Variants in TENM1 observed in about 807,000 individuals in gnomAD.
TENM1 encodes teneurin-1.
TENM1 carries 35 observed loss-of-function variants against 174.8 expected under a neutral mutation model. The ratio of observed to expected loss-of-function variants is 0.20; its 90% confidence interval spans 0.15 to 0.27. TENM1 has a LOEUF of 0.27. TENM1 is among the 10% of genes least tolerant of loss of function. The pLI, the probability that TENM1 is intolerant of heterozygous loss-of-function variation, is 1.00. For synonymous variants in TENM1, 781 were observed against 798.7 expected, an observed-to-expected ratio of 0.98 and a Z score of 0.37; for missense variants, 1,633 against 2,130.1, an observed-to-expected ratio of 0.77 and a Z score of 4.59.
chrX:125,133,582 T>C, the TENM1 span, among the ~76,000 whole-genome samples: 1 of 111,269 alleles, frequency 9.0e-6, no homozygotes, highest in Non-Finnish European at 1.9e-5. Flanking sequence ...CTAAAGTCCT[T>C]GTCTCCTCCC....
intron 11 of TENM1, among the ~76,000 whole-genome samples, chrX:124,639,749 G>A (rs2050965807): frequency 9.0e-6 from 1 of 111,132 alleles, no homozygotes; most frequent in Admixed American, 9.6e-5. Context: ...TTATGTGTTT[G>A]CTACAATAAT....
chrX:124,654,488 A>G (rs757021114), intron 6 of TENM1, among the ~76,000 whole-genome samples: 1 of 112,253 alleles, frequency 8.9e-6, no homozygotes, highest in South Asian at 3.7e-4. Context: ...AAAAGTTACT[A>G]TGGGAAGTGG....
chrX:125,054,166 G>GAGGATAC, the TENM1 span, among the ~76,000 whole-genome samples: 4 of 110,429 alleles, frequency 3.6e-5, no homozygotes, highest in African/African-American at 9.9e-5. Context: ...TGTAACTAGT[G>GAGGATAC]AGGATACAGG....
chrX:124,579,850 A>G lies in TENM1; in HGVS notation c.2078-14290T>C, dbSNP rs1268984337. ...ATTAAATAAATTACTGATGAACATAAAAGTATCTGAAATTTTCAGTCTGAG... is the reference window on the plus strand; with the variant it reads ...ATTAAATAAATTACTGATGAACATAGAAGTATCTGAAATTTTCAGTCTGAG... On this transcript the variant is annotated intron_variant, in intron 11 of 31. Coordinates refer to ENST00000422452, the Ensembl canonical transcript of TENM1. Among the ~76,000 whole-genome samples the G allele has an allele frequency of 1.2e-4, 13 of 112,052 alleles. No homozygotes were observed. In the Admixed American group the frequency reaches 1.2e-3, roughly 11 times the overall value.
intron 14 of TENM1, among the ~76,000 whole-genome samples, chrX:124,558,619 A>G (rs1252823179): frequency 9.0e-6 from 1 of 111,500 alleles, no homozygotes; most frequent in East Asian, 2.8e-4. Flanking sequence ...GAGACTACCA[A>G]ATGAAGGGCA....
chrX:124,597,262 T>C (rs1412576441), intron 11 of TENM1, among the ~76,000 whole-genome samples: 1 of 111,725 alleles, frequency 9.0e-6, no homozygotes, highest in African/African-American at 3.2e-5. Flanking sequence ...TGCAAAAATA[T>C]GGAACCAGCC....
At chrX:124,608,781 C>CTTT in intron 11 of TENM1, among the ~76,000 whole-genome samples, 1 of 93,108 alleles carries the variant, frequency 1.1e-5, no homozygotes, top group East Asian at 3.4e-4. Flanking sequence ...GAAGAGTAAG[C>CTTT]TTTTTTTTTT....
chrX:124,913,538 C>A (rs2057871494), intron 1 of TENM1, among the ~76,000 whole-genome samples: 1 of 111,670 alleles, frequency 9.0e-6, no homozygotes, highest in East Asian at 2.8e-4. Context: ...GTATATAGGT[C>A]TATACATATA....
At chrX:124,670,384 A>AG (rs1318917288) in intron 6 of TENM1, among the ~76,000 whole-genome samples, 5 of 111,020 alleles carry the variant, frequency 4.5e-5, no homozygotes, top group Non-Finnish European at 9.4e-5. Context: ...AAGGTAAGGG[A>AG]GAAAAAGCAG....
intron 23 of TENM1, among the ~76,000 whole-genome samples, chrX:124,427,917 T>A (rs755340143): frequency 7.6e-5 from 8 of 105,388 alleles, no homozygotes; most frequent in Admixed American, 3.1e-4. Flanking sequence ...TTTGTCCAAA[T>A]GATTTCTTGG....
chrX:125,025,707 C>G, the TENM1 span, among the ~76,000 whole-genome samples: 2 of 111,529 alleles, frequency 1.8e-5, no homozygotes, highest in African/African-American at 6.5e-5. Flanking sequence ...GAGAACCAGG[C>G]ATAAGCTCTT....
the TENM1 span, among the ~76,000 whole-genome samples, chrX:125,160,535 AC>A: frequency 5.0e-4 from 28 of 55,850 alleles, no homozygotes; most frequent in Non-Finnish European, 8.3e-4. Context: ...ACAGAGCAAG[AC>A]CCCGTCTCAA....
intron 11 of TENM1, among the ~76,000 whole-genome samples, chrX:124,608,342 G>C (rs1159071384): frequency 9.0e-6 from 1 of 111,297 alleles, no homozygotes; most frequent in Non-Finnish European, 1.9e-5. Flanking sequence ...TTCAGCTTTA[G>C]CCAAATCAAA....
chrX:124,448,325 C>A lies in TENM1; in HGVS notation c.4104+5012G>T, dbSNP rs140121003. On this transcript the variant is annotated intron_variant, in intron 23 of 31. Transcript: ENST00000422452. ...AAAACAGCTTAATTTTTATAGCAGT[C>A]CCTTGGAAAGGGGCTGATCATATCT... Among the ~76,000 whole-genome samples, 538 of 111,134 alleles carry A rather than the reference C, an allele frequency of 4.8e-3. 7 individuals are homozygous for A. The highest frequency in any genetic ancestry group is 0.017 in the African/African-American group (515 of 30,575).
At chrX:124,730,198 G>A (rs1233042916) in intron 4 of TENM1, among the ~76,000 whole-genome samples, 1 of 111,592 alleles carries the variant, frequency 9.0e-6, no homozygotes, top group African/African-American at 3.3e-5. Context: ...AGCATGCTAA[G>A]AGAGGAAGTG....
intron 20 of TENM1, among the ~76,000 whole-genome samples, chrX:124,489,054 T>C (rs913051624): frequency 8.9e-6 from 1 of 112,446 alleles, no homozygotes; most frequent in African/African-American, 3.2e-5. Flanking sequence ...TGTCTCAGAA[T>C]TACTTTTCGT....
At chrX:124,650,200 CAAAAAAAAA>C (rs755570562) in intron 8 of TENM1, among the ~76,000 whole-genome samples, 7 of 24,844 alleles carry the variant, frequency 2.8e-4, no homozygotes, top group Non-Finnish European at 5.5e-4. Flanking sequence ...AAACTGTCTC[CAAAAAAAAA>C]AAAAAAAAAA....
At chrX:124,880,534 G>T (rs923072408) in intron 3 of TENM1, among the ~76,000 whole-genome samples, 28 of 111,582 alleles carry the variant, frequency 2.5e-4, no homozygotes, top group African/African-American at 7.8e-4. Flanking sequence ...TTGCCTGATT[G>T]TTCTGGCTAG....
intron 8 of TENM1, among the ~76,000 whole-genome samples, chrX:124,650,822 T>C (rs2051287107): frequency 8.9e-6 from 1 of 112,053 alleles, no homozygotes; most frequent in Admixed American, 9.5e-5. Context: ...CTTTTGAAGA[T>C]ATAAGATCAG....
Sources: gnomAD v4.1 joint callset for allele counts (sites outside exome capture counted in the v4.1 genomes callset) on GRCh38, gnomAD v4.1.1 for gene constraint, MANE v1.5 for transcripts, NCBI Gene and HGNC (gene_info 2026-07-23, HGNC 2026-07-21) for gene names.